TRIM24: variants seen among roughly 807,000 people sequenced by gnomAD.
The protein encoded by TRIM24 is transcription intermediary factor 1-alpha.
In TRIM24, 29 loss-of-function variants were observed where a neutral mutation model predicts 123.9. The ratio of observed to expected loss-of-function variants is 0.23; its 90% CI spans 0.17 to 0.32. The LOEUF (loss-of-function observed/expected upper bound fraction) is 0.32, where lower values mean the gene tolerates loss of function less well. Among genes scored for constraint, TRIM24 ranks in the 10% least tolerant of loss-of-function variants. The pLI is 1.00. For synonymous variants in TRIM24, 456 were observed against 461.1 expected (o/e 0.99, Z 0.14); for missense variants, 932 against 1,295.3 (o/e 0.72, Z 4.31).
At chr7:138,509,302 A>T (rs1796234157) in intron 2 of TRIM24, among the ~76,000 whole-genome samples, 1 of 149,264 alleles carries the variant, frequency 6.7e-6, no homozygotes, top group Admixed American at 6.7e-5. Flanking sequence ...AGGAAAAAAA[A>T]GTTTATATAT....
chr7:138,467,084 G>C (rs1218051846), intron 1 of TRIM24, among the ~76,000 whole-genome samples: 1 of 152,102 alleles, frequency 6.6e-6, no homozygotes, highest in Non-Finnish European at 1.5e-5. Context: ...AGCCATCTGT[G>C]TGTGGTCTGT....
chr7:138,508,385 C>A (rs1796194698), intron 2 of TRIM24, among the ~76,000 whole-genome samples: 1 of 152,002 alleles, frequency 6.6e-6, no homozygotes, highest in Non-Finnish European at 1.5e-5. Context: ...GTCTGGTTGT[C>A]TTTCTTTTTT....
At chr7:138,539,870 C>T (rs956743939) in intron 7 of TRIM24, among the ~76,000 whole-genome samples, 2 of 150,544 alleles carry the variant, frequency 1.3e-5, no homozygotes, top group African/African-American at 4.9e-5. Flanking sequence ...GCGTGATCTC[C>T]ACTCACTGCA....
At chr7:138,466,283 C>G (rs1795135090) in intron 1 of TRIM24, among the ~76,000 whole-genome samples, 1 of 152,200 alleles carries the variant, frequency 6.6e-6, no homozygotes, top group South Asian at 2.1e-4. Flanking sequence ...GCGTGAGCCA[C>G]TGTGCCTGGC....
intron 6 of TRIM24, among the ~76,000 whole-genome samples, chr7:138,531,201 AC>A (rs1796726515): frequency 6.8e-6 from 1 of 146,750 alleles, no homozygotes; most frequent in Non-Finnish European, 1.5e-5. Context: ...ATACATGTAT[AC>A]ATGTATACGT....
chr7:138,555,067 T>C lies in TRIM24; in HGVS notation c.1530+101T>C. 3 of 1,237,240 alleles carry C rather than the reference T, an allele frequency of 2.4e-6. No homozygotes were observed. The East Asian group carries it at 7.1e-5, about 29-fold the overall frequency. 76.6% of individuals were successfully genotyped at this position (1,237,240 alleles called of 1,614,324 possible). A position where few individuals can be genotyped will look rare whatever the true frequency, so the allele number is the denominator to read the frequency against. ...ACATCCATTTTCCATACTCTAAATA[T>C]CTGCATTTATAAAAATTTATCACAT... On this transcript the variant is annotated intron_variant, in intron 9 of 18. Transcript: ENST00000343526.
intron 9 of TRIM24, among the ~76,000 whole-genome samples, chr7:138,559,516 A>G (rs1301559515): frequency 6.6e-6 from 1 of 152,190 alleles, no homozygotes; most frequent in African/African-American, 2.4e-5. Context: ...TACTTCCCTG[A>G]TGGTGCTCAC....
At chr7:138,551,591 A>G (rs942221758) in intron 8 of TRIM24, among the ~76,000 whole-genome samples, 3 of 152,228 alleles carry the variant, frequency 2.0e-5, no homozygotes, top group African/African-American at 7.2e-5. Flanking sequence ...ACACACATAC[A>G]TGTATAGCTG....
chr7:138,513,859 C>T (rs1796339809), intron 2 of TRIM24, among the ~76,000 whole-genome samples: 1 of 152,108 alleles, frequency 6.6e-6, no homozygotes. Context: ...TTACTTATTT[C>T]TTTTTATAGC....
At chr7:138,490,868 C>A in intron 1 of TRIM24, 1 of 450,006 alleles carries the variant, frequency 2.2e-6, no homozygotes, top group South Asian at 1.7e-5. Context: ...TTTCCAGCAT[C>A]TTCTTCTGGA....
chr7:138,490,755 G>A lies in TRIM24; in HGVS notation c.365-13535G>A, dbSNP rs377564831. On this transcript the variant is annotated intron_variant, in intron 1 of 18. Transcript: ENST00000343526. The stretch of plus-strand genomic sequence containing the variant: ...TCTACTGAAAACATCATGGAGAGGA[G>A]AAATAGATTGGCAAGCCTTTTCTAT... 963 of 496,688 alleles carry A rather than the reference G, an allele frequency of 1.9e-3. 15 individuals are homozygous for A. Among genetic ancestry groups the A allele is most frequent in the South Asian group, 0.014 (936 of 67,498 alleles). The allele number at this position is 496,688 out of a possible 1,614,324, so 30.8% of individuals were successfully genotyped here. A position where few individuals can be genotyped will look rare whatever the true frequency, so the allele number is the denominator to read the frequency against.
rs201997143 is a variant in TRIM24 at position 138,577,493 on chromosome 7, C to G, written c.2161C>G (p.Arg721Gly). The stretch of plus-strand genomic sequence containing the variant: ...CCCAGTGGTCATGCTGGAGCCAATT[C>G]GAATAAAACAAGAAAACAGTGGACC... ...KVPVVMLEPI[R>G]IKQENSGPPE... is the part of the protein sequence containing the mutation. The change falls in exon 14 of 19, where the codon CGA becomes GGA. Residue 721 changes from arginine to glycine, a missense_variant. Coordinates refer to ENST00000343526, the MANE Select transcript of TRIM24 (RefSeq NM_015905.3). The G allele has an allele frequency of 6.2e-7, 1 of 1,610,036 alleles. No homozygotes were observed. The highest frequency in any genetic ancestry group is 2.2e-5 in the East Asian group (1 of 44,450).
intron 17 of TRIM24, among the ~76,000 whole-genome samples, chr7:138,583,147 G>A (rs564224116): frequency 2.6e-5 from 4 of 152,210 alleles, no homozygotes; most frequent in Non-Finnish European, 5.9e-5. Flanking sequence ...ACACTGAGCA[G>A]CAGAGCTGGG....
intron 5 of TRIM24, among the ~76,000 whole-genome samples, chr7:138,528,542 A>C (rs1002016009): frequency 6.6e-6 from 1 of 151,188 alleles, no homozygotes; most frequent in Non-Finnish European, 1.5e-5. Flanking sequence ...TTAATTTCCC[A>C]CCTCAAGAGA....
At chr7:138,579,657 A>T in intron 15 of TRIM24, 125 bp downstream of exon 15, 1 of 739,760 alleles carries the variant, frequency 1.4e-6, no homozygotes. Flanking sequence ...CAAAATCCCA[A>T]TGAATAGTCT....
intron 7 of TRIM24, among the ~76,000 whole-genome samples, chr7:138,539,474 C>G (rs1358471231): frequency 1.1e-4 from 17 of 152,108 alleles, no homozygotes; most frequent in African/African-American, 4.1e-4. Context: ...TTCTAACAAG[C>G]CTTCAGGTGA....
intron 6 of TRIM24, among the ~76,000 whole-genome samples, chr7:138,537,018 C>T (rs73164642): frequency 1.7e-4 from 26 of 152,300 alleles, no homozygotes; most frequent in Non-Finnish European, 2.8e-4. Flanking sequence ...CCGAGACAGA[C>T]GTGGGTTATA....
intron 18 of TRIM24, 25 bp from the exon 19 acceptor site, chr7:138,584,717 A>G (rs747903053): frequency 1.3e-6 from 2 of 1,550,648 alleles, no homozygotes; most frequent in Admixed American, 4.1e-5. Context: ...TCCTTTTTTT[A>G]CTCATTTTTA....
At chr7:138,482,385 C>CA (rs1224648820) in intron 1 of TRIM24, among the ~76,000 whole-genome samples, 7 of 151,946 alleles carry the variant, frequency 4.6e-5, no homozygotes, top group East Asian at 1.9e-4. Context: ...TCAGGTTTCA[C>CA]AAAAAAACAT....
Sources: allele counts gnomAD v4.1 joint callset (sites outside exome capture counted in the v4.1 genomes callset), GRCh38; gene constraint gnomAD v4.1.1; transcripts MANE v1.5; gene names NCBI Gene and HGNC (gene_info 2026-07-23, HGNC 2026-07-21).